The following TTC7B variants were observed in gnomAD, a reference collection of about 807,000 sequenced individuals.
The protein encoded by TTC7B is tetratricopeptide repeat domain 7B, also known as tetratricopeptide repeat protein 7B.
Under a neutral mutation model 106.8 loss-of-function variants are expected in TTC7B, and 28 were observed. The ratio of observed to expected loss-of-function variants is 0.26; its 90% CI spans 0.19 to 0.36. The LOEUF (loss-of-function observed/expected upper bound fraction) is 0.36, where lower values mean the gene tolerates loss of function less well. Among genes scored for constraint, TTC7B ranks in the 10% least tolerant of loss-of-function variants. The probability of loss-of-function intolerance (pLI) is 1.00; values close to 1 mark genes in which losing one functional copy is unlikely to be tolerated. For missense variants in TTC7B, 862 were observed against 1,076.4 expected (o/e 0.80, Z 2.79); for synonymous variants, 405 against 430.6 (o/e 0.94, Z 0.74).
In TTC7B at chr14:90,808,630, C is replaced by T. The variant is rs2030731943; in HGVS notation, c.121+7545G>A. 6.6e-6 allele frequency among the ~76,000 whole-genome samples: 1 copy of T among 152,102 alleles called. No homozygotes were observed. Among genetic ancestry groups the T allele is most frequent in the African/African-American group, 2.4e-5 (1 of 41,414 alleles). ...GCCGTCTTTCATATTTTATATGGCA[C>T]CCATTTGACCTATCTCTGGGTCAGA... On this transcript the variant is annotated intron_variant, in intron 1 of 19. Transcript: ENST00000328459. This position sits in a 1 kb window ranked among gnomAD's most constrained non-coding sequence, Gnocchi z 4.2.
At chr14:90,627,214 G>A (rs533959546) in intron 15 of TTC7B, among the ~76,000 whole-genome samples, 1 of 152,002 alleles carries the variant, frequency 6.6e-6, no homozygotes, top group Non-Finnish European at 1.5e-5. Flanking sequence ...TTGAACTCCC[G>A]GGCTCAAGAG....
chr14:90,565,063 G>C (rs7154688), intron 19 of TTC7B, among the ~76,000 whole-genome samples: 53,616 of 152,056 alleles, frequency 0.35, 10,356 homozygotes, highest in Admixed American at 0.45. Context: ...ATGAACTAAC[G>C]TCTGCTAGCT....
At position 90,541,316 on chromosome 14, in the gene TTC7B, C is replaced by G. The variant is rs765957846; in HGVS notation, c.*52G>C. On this transcript the variant is annotated 3_prime_UTR_variant, in exon 20 of 20. Coordinates refer to ENST00000328459, the MANE Select transcript of TTC7B (RefSeq NM_001010854.2). ...TGGGGCGATGGCACAAGCCCTGGTG[C>G]CCGGCAGGGCCTCTGAGGCCTGAGC... 44 of 1,494,888 alleles carry G rather than the reference C, an allele frequency of 2.9e-5. No homozygotes were observed. Among genetic ancestry groups the G allele is most frequent in the Middle Eastern group, 1.8e-4 (1 of 5,668 alleles). The allele number at this position is 1,494,888 out of a possible 1,614,324, so 92.6% of individuals were successfully genotyped here.
intron 8 of TTC7B, chr14:90,677,840 G>C (rs1402089703): frequency 2.2e-6 from 1 of 455,518 alleles, no homozygotes; most frequent in Non-Finnish European, 4.4e-6. Context: ...ACTCCTTGCT[G>C]TTAAATGTCA....
intron 17 of TTC7B, among the ~76,000 whole-genome samples, chr14:90,604,531 G>T (rs1892561980): frequency 6.6e-6 from 1 of 152,158 alleles, no homozygotes; most frequent in Non-Finnish European, 1.5e-5. Flanking sequence ...CAAAGCGGGT[G>T]AGCCATCAAA....
At chr14:90,694,933 A>AAT (rs199607990) in intron 6 of TTC7B, among the ~76,000 whole-genome samples, 20,952 of 66,978 alleles carry the variant, frequency 0.31, 5,303 homozygotes, top group African/African-American at 0.34. Context: ...ATATATGTAT[A>AAT]ATATGTCACA....
intron 3 of TTC7B, among the ~76,000 whole-genome samples, chr14:90,774,201 C>A (rs1890953006): frequency 6.6e-6 from 1 of 152,146 alleles, no homozygotes; most frequent in Non-Finnish European, 1.5e-5. Flanking sequence ...ACACCCAGGA[C>A]AATGACAGTC....
At chr14:90,794,515 C>T (rs946767002) in intron 1 of TTC7B, among the ~76,000 whole-genome samples, 3 of 151,834 alleles carry the variant, frequency 2.0e-5, no homozygotes, top group Admixed American at 6.6e-5. Context: ...CATGAGCCAC[C>T]GCACCCAGCC....
chr14:90,654,410 A>C (rs1306211125), intron 12 of TTC7B, among the ~76,000 whole-genome samples: 1 of 152,236 alleles, frequency 6.6e-6, no homozygotes, highest in Admixed American at 6.5e-5. Flanking sequence ...CTGAAAACTT[A>C]AGTATACAAG....
chr14:90,788,526 G>A (rs1023088515), intron 1 of TTC7B, among the ~76,000 whole-genome samples: 1 of 152,134 alleles, frequency 6.6e-6, no homozygotes, highest in Non-Finnish European at 1.5e-5. Context: ...AGGAGCTTCG[G>A]AGTGTCATGC....
At chr14:90,606,565 GA>G (rs1892647646) in intron 17 of TTC7B, among the ~76,000 whole-genome samples, 1 of 152,076 alleles carries the variant, frequency 6.6e-6, no homozygotes, top group Non-Finnish European at 1.5e-5. Flanking sequence ...TTATTCCAAA[GA>G]AAAGACAATG....
chr14:90,763,486 A>G (rs1474104425), intron 3 of TTC7B, among the ~76,000 whole-genome samples: 6 of 152,184 alleles, frequency 3.9e-5, no homozygotes, highest in East Asian at 1.9e-4. Flanking sequence ...TCTAATCAAC[A>G]TTGTACTGGA....
intron 5 of TTC7B, among the ~76,000 whole-genome samples, chr14:90,696,044 C>A (rs1474150594): frequency 6.6e-6 from 1 of 152,124 alleles, no homozygotes; most frequent in Non-Finnish European, 1.5e-5. Context: ...AGCAACCACT[C>A]TGCATCTTTG....
intron 19 of TTC7B, among the ~76,000 whole-genome samples, chr14:90,544,842 C>A (rs138495533): frequency 1.3e-5 from 2 of 152,310 alleles, no homozygotes; most frequent in East Asian, 3.9e-4. Flanking sequence ...GAGTGGCTCT[C>A]CCAGCAGGGA....
chr14:90,676,691 G>A (rs1158852734), intron 8 of TTC7B, 31 bp from the exon 9 acceptor site: 1 of 1,609,436 alleles, frequency 6.2e-7, no homozygotes, highest in Non-Finnish European at 8.5e-7. Context: ...GAAGCAGATG[G>A]AGAGAGAACC....
At chr14:90,710,810 A>G (rs1888415652) in intron 5 of TTC7B, among the ~76,000 whole-genome samples, 1 of 152,246 alleles carries the variant, frequency 6.6e-6, no homozygotes. Flanking sequence ...CATACTTAAC[A>G]GAATACAGTA....
intron 15 of TTC7B, among the ~76,000 whole-genome samples, chr14:90,640,539 C>G (rs1885128444): frequency 6.6e-6 from 1 of 151,956 alleles, no homozygotes; most frequent in Non-Finnish European, 1.5e-5. Flanking sequence ...GTTCTTTTTT[C>G]TAAACTACGA....
At chr14:90,689,748 T>A in intron 6 of TTC7B, 36 bp from the exon 7 acceptor site, 1 of 1,607,520 alleles carries the variant, frequency 6.2e-7, no homozygotes, top group Non-Finnish European at 8.5e-7. Flanking sequence ...TAGCCATGAA[T>A]CTATCTTGTA....
In TTC7B at chr14:90,592,843, T is replaced by A. The variant is rs570079329; in HGVS notation, c.2107+643A>T. ...CCCCCCTTCCGGGCCAGTCTCCAGG[T>A]CAGAGGCTGTTGCTGTCTCTCTATG... On this transcript the variant is annotated intron_variant, in intron 18 of 19. Coordinates refer to ENST00000328459, the MANE Select transcript of TTC7B (RefSeq NM_001010854.2). Among the ~76,000 whole-genome samples, 202 of 152,104 alleles carry A rather than the reference T, an allele frequency of 1.3e-3. 1 individual carries two copies. The highest frequency in any genetic ancestry group is 4.6e-3 in the African/African-American group (190 of 41,504).
Sources: gnomAD v4.1 joint callset for allele counts (sites outside exome capture counted in the v4.1 genomes callset) on GRCh38, gnomAD v4.1.1 for gene constraint, Gnocchi (gnomAD v3.1) non-coding constraint, MANE v1.5 for transcripts, NCBI Gene and HGNC (gene_info 2026-07-23, HGNC 2026-07-21) for gene names.